The following DNM3 variants were observed in gnomAD, a reference collection of about 807,000 sequenced individuals.
DNM3 encodes the protein dynamin-3.
Under a neutral mutation model 101.6 loss-of-function variants are expected in DNM3, and 47 were observed. That is an observed-to-expected ratio of 0.46 (90% confidence interval 0.37 to 0.59). DNM3 has a LOEUF of 0.59. Among genes scored for constraint, DNM3 ranks in the 20% least tolerant of loss-of-function variants. The pLI, the probability that DNM3 is intolerant of heterozygous loss-of-function variation, is 0.00. For synonymous variants in DNM3, 385 were observed against 387.9 expected, an observed-to-expected ratio of 0.99 and a Z score of 0.09; for missense variants, 849 against 1,085.7, an observed-to-expected ratio of 0.78 and a Z score of 3.06.
intron 14 of DNM3, among the ~76,000 whole-genome samples, chr1:172,151,000 T>C (rs1248596034): frequency 6.6e-6 from 1 of 152,184 alleles, no homozygotes; most frequent in Non-Finnish European, 1.5e-5. Flanking sequence ...GGTAGACTGA[T>C]AAATAGATCT....
intron 14 of DNM3, among the ~76,000 whole-genome samples, chr1:172,229,940 G>A (rs967005935): frequency 5.9e-5 from 9 of 152,080 alleles, no homozygotes; most frequent in Admixed American, 5.9e-4. Flanking sequence ...TGACATAGAA[G>A]TTCATTATTT....
At chr1:171,921,671 C>G (rs905250667) in intron 1 of DNM3, 77 bp from the exon 2 acceptor site, 137 of 1,151,060 alleles carry the variant, frequency 1.2e-4, no homozygotes, top group Non-Finnish European at 1.7e-4. Context: ...AGGAGAATTG[C>G]TGTGGAACTT....
chr1:172,274,541 A>G (rs1475125521), intron 15 of DNM3, among the ~76,000 whole-genome samples: 1 of 151,888 alleles, frequency 6.6e-6, no homozygotes, highest in Non-Finnish European at 1.5e-5. Flanking sequence ...CTTCCCCTCC[A>G]CTGTGATAGA....
intron 11 of DNM3, among the ~76,000 whole-genome samples, chr1:172,076,818 C>T (rs560383568): frequency 2.5e-4 from 38 of 152,170 alleles, no homozygotes; most frequent in South Asian, 1.5e-3. Flanking sequence ...ATTAGGATGA[C>T]GTTGGCATCA....
intron 1 of DNM3, among the ~76,000 whole-genome samples, chr1:171,850,767 G>GTTT (rs367677909): frequency 7.2e-6 from 1 of 139,860 alleles, no homozygotes. Context: ...TTAGGGCTTT[G>GTTT]TTTTTTTTTT....
At chr1:172,220,183 A>G (rs1426600229) in intron 14 of DNM3, among the ~76,000 whole-genome samples, 1 of 152,124 alleles carries the variant, frequency 6.6e-6, no homozygotes, top group Non-Finnish European at 1.5e-5. Context: ...TTCCATACCC[A>G]TTTTGGCAGC....
chr1:172,073,885 CT>C (rs919535340), intron 11 of DNM3, among the ~76,000 whole-genome samples: 3 of 152,162 alleles, frequency 2.0e-5, no homozygotes, highest in Non-Finnish European at 4.4e-5. Context: ...ATAATACCTT[CT>C]TTTTTGCAGG....
intron 15 of DNM3, among the ~76,000 whole-genome samples, chr1:172,261,590 G>A (rs1057477151): frequency 2.0e-5 from 3 of 152,230 alleles, no homozygotes; most frequent in African/African-American, 4.8e-5. Flanking sequence ...GCTGCTAATG[G>A]CATCAGTGGG....
intron 13 of DNM3, among the ~76,000 whole-genome samples, chr1:172,127,885 A>G (rs1240754695): frequency 6.6e-6 from 1 of 152,178 alleles, no homozygotes; most frequent in Non-Finnish European, 1.5e-5. Context: ...AGCTCTCCCC[A>G]GTCACTGTCT....
chr1:172,401,776 G>C lies in DNM3; in HGVS notation c.2523-5996G>C, dbSNP rs574932079. On this transcript the variant is annotated intron_variant, in intron 20 of 20. Transcript: ENST00000627582. The stretch of plus-strand genomic sequence containing the variant: ...AAAATATGCTGAATAGCACCCTATA[G>C]TATTTCTTACAGTAAATTATAAAAT... Among the ~76,000 whole-genome samples, 8 of 152,262 alleles carry C rather than the reference G, an allele frequency of 5.3e-5. No individual in the cohort carries two copies. The South Asian group carries it at 1.7e-3, about 32-fold the overall frequency.
intron 1 of DNM3, among the ~76,000 whole-genome samples, chr1:171,886,885 C>A (rs2036826415): frequency 6.6e-6 from 1 of 152,062 alleles, no homozygotes. Context: ...ACAGATTTGT[C>A]ATCGTTTCTG....
chr1:171,933,912 C>T (rs560053894), intron 2 of DNM3, among the ~76,000 whole-genome samples: 1 of 152,290 alleles, frequency 6.6e-6, no homozygotes, highest in African/African-American at 2.4e-5. Context: ...TATGTCTGTA[C>T]TTTTAGCGGT....
intron 2 of DNM3, among the ~76,000 whole-genome samples, chr1:171,955,541 C>T (rs1009862797): frequency 6.6e-6 from 1 of 152,100 alleles, no homozygotes; most frequent in Non-Finnish European, 1.5e-5. Context: ...AATGATAAAG[C>T]TATTATCTAT....
At chr1:172,039,796 C>T (rs1387658645) in intron 7 of DNM3, among the ~76,000 whole-genome samples, 1 of 152,144 alleles carries the variant, frequency 6.6e-6, no homozygotes, top group East Asian at 1.9e-4. Flanking sequence ...TGTTCTTCCT[C>T]CTTCCTCTAA....
intron 2 of DNM3, among the ~76,000 whole-genome samples, chr1:171,957,493 C>T (rs567423907): frequency 2.6e-5 from 4 of 152,246 alleles, no homozygotes; most frequent in East Asian, 1.9e-4. Context: ...CCACTATGCC[C>T]GGCCCAGTGT....
At chr1:171,962,660 A>G (rs1277237511) in intron 2 of DNM3, among the ~76,000 whole-genome samples, 1 of 152,172 alleles carries the variant, frequency 6.6e-6, no homozygotes, top group Non-Finnish European at 1.5e-5. Context: ...AGAGACCACT[A>G]TAAGAAGATT....
intron 1 of DNM3, among the ~76,000 whole-genome samples, chr1:171,888,603 G>A (rs55864801): frequency 6.6e-6 from 1 of 152,094 alleles, no homozygotes; most frequent in Non-Finnish European, 1.5e-5. Context: ...GTTATTATGA[G>A]GGTCAAATAT....
rs927274380 is a variant in DNM3, at chr1:172,093,483, G to A, written c.1545+608G>A. 2.4e-4 allele frequency among the ~76,000 whole-genome samples: 37 copies of A among 152,152 alleles called. 1 individual carries two copies. The highest frequency in any genetic ancestry group is 2.9e-5 in the Non-Finnish European group (2 of 68,030). ...TTGCTGTGTCTTTTATGTTTTATGT[G>A]ATAATGAATATTTGCATTGTTATTT... On this transcript the variant is annotated intron_variant, in intron 13 of 20. Transcript: ENST00000627582.
intron 17 of DNM3, among the ~76,000 whole-genome samples, chr1:172,366,013 T>C (rs1279691174): frequency 1.3e-5 from 2 of 151,914 alleles, no homozygotes; most frequent in Non-Finnish European, 2.9e-5. Flanking sequence ...GAGGATTGCT[T>C]GAGGACAGGA....
Sources: gnomAD v4.1 joint callset for allele counts (sites outside exome capture counted in the v4.1 genomes callset) on GRCh38, gnomAD v4.1.1 for gene constraint, MANE v1.5 for transcripts, NCBI Gene and HGNC (gene_info 2026-07-23, HGNC 2026-07-21) for gene names.